PTPRN2: variants seen among roughly 807,000 people sequenced by gnomAD.
The protein encoded by PTPRN2 is protein tyrosine phosphatase receptor type N2.
PTPRN2 carries 74 observed loss-of-function variants against 118.8 expected under a neutral mutation model. That is an observed-to-expected ratio of 0.62 (90% confidence interval 0.52 to 0.76). The LOEUF (loss-of-function observed/expected upper bound fraction) is 0.76, where lower values mean the gene tolerates loss of function less well. PTPRN2 is among the 30% of genes least tolerant of loss of function. The pLI is 0.00. For missense variants in PTPRN2, 1,481 were observed against 1,394.4 expected, an observed-to-expected ratio of 1.06 and a Z score of -0.99; for synonymous variants, 641 against 608.0, an observed-to-expected ratio of 1.05 and a Z score of -0.80.
At chr7:157,631,359 T>A (rs752016183) in intron 14 of PTPRN2, among the ~76,000 whole-genome samples, 2 of 152,204 alleles carry the variant, frequency 1.3e-5, no homozygotes, top group Non-Finnish European at 2.9e-5. Context: ...GTGTTGGTTT[T>A]GAGACCGGGA....
chr7:158,390,190 G>A (rs990112494), intron 2 of PTPRN2, among the ~76,000 whole-genome samples: 5 of 152,020 alleles, frequency 3.3e-5, no homozygotes, highest in Non-Finnish European at 2.9e-5. Flanking sequence ...ACTCAGAGGC[G>A]CCGTCGCCCT....
At chr7:157,646,409 C>T (rs1036610144) in intron 14 of PTPRN2, among the ~76,000 whole-genome samples, 1 of 152,172 alleles carries the variant, frequency 6.6e-6, no homozygotes, top group African/African-American at 2.4e-5. Flanking sequence ...TGCCTTCCGC[C>T]ATGACTGGAT....
chr7:158,549,108 C>T lies in PTPRN2; in HGVS notation c.112+38450G>A, dbSNP rs141402221. On this transcript the variant is annotated intron_variant, in intron 1 of 22. Coordinates refer to ENST00000389418, the MANE Select transcript of PTPRN2 (RefSeq NM_002847.5). The stretch of plus-strand genomic sequence containing the variant: ...TTCCACAGGTTCTTGTCATCCAAGG[C>T]GAGCACAAGCGGGAAAGAATGGGGC... Among the ~76,000 whole-genome samples, 417 of 152,216 alleles carry T rather than the reference C, an allele frequency of 2.7e-3. 2 individuals are homozygous for T. Among genetic ancestry groups the T allele is most frequent in the African/African-American group, 9.4e-3 (390 of 41,506 alleles).
At chr7:158,013,789 ACCCAC>A (rs1563328331) in intron 11 of PTPRN2, among the ~76,000 whole-genome samples, 10 of 1,258 alleles carry the variant, frequency 7.9e-3, no homozygotes, top group African/African-American at 0.011. Flanking sequence ...CCATTCACCC[ACCCAC>A]CCCATCCATC....
intron 10 of PTPRN2, among the ~76,000 whole-genome samples, chr7:158,098,399 G>A (rs999536659): frequency 6.6e-6 from 1 of 152,110 alleles, no homozygotes; most frequent in African/African-American, 2.4e-5. Flanking sequence ...TAGGAAAGAG[G>A]GGGCCGCCAG....
At chr7:157,555,736 G>C (rs111536782) in intron 21 of PTPRN2, among the ~76,000 whole-genome samples, 5 of 152,340 alleles carry the variant, frequency 3.3e-5, no homozygotes, top group African/African-American at 1.2e-4. Context: ...AAGTGTTCAA[G>C]AGAGAGAGGC....
At chr7:157,796,645 C>T (rs1285874821) in intron 12 of PTPRN2, among the ~76,000 whole-genome samples, 3 of 152,300 alleles carry the variant, frequency 2.0e-5, no homozygotes, top group South Asian at 2.1e-4. Context: ...GAGGCTTAAT[C>T]GGCTCAGAGC....
chr7:158,474,618 A>G (rs1213145433), intron 2 of PTPRN2, among the ~76,000 whole-genome samples: 1 of 150,684 alleles, frequency 6.6e-6, no homozygotes, highest in Non-Finnish European at 1.5e-5. Context: ...GAATGTGGGC[A>G]CCCCTCCTCC....
chr7:158,126,877 C>T (rs1456926550), intron 9 of PTPRN2, among the ~76,000 whole-genome samples: 1 of 152,196 alleles, frequency 6.6e-6, no homozygotes, highest in African/African-American at 2.4e-5. Context: ...TCCAAAGTTC[C>T]TCTCCCTGGC....
intron 5 of PTPRN2, among the ~76,000 whole-genome samples, chr7:158,177,264 T>A (rs1033576524): frequency 5.4e-4 from 82 of 152,350 alleles, no homozygotes; most frequent in Middle Eastern, 6.8e-3. Context: ...GATTTTTTTT[T>A]AATTTTAGCC....
rs963700411 is a variant in PTPRN2 at position 158,310,792 on chromosome 7, C to T, written c.277+6027G>A. On this transcript the variant is annotated intron_variant, in intron 3 of 22. Coordinates refer to ENST00000389418, the MANE Select transcript of PTPRN2 (RefSeq NM_002847.5). ...GTCCCACGGAGGGCGAGCCCTGAGC[C>T]GGACAGAGCGCAAGTCCCACGGAGG... Among the ~76,000 whole-genome samples, 27 of 147,028 alleles carry T rather than the reference C, an allele frequency of 1.8e-4. 6 individuals carry two copies. The highest frequency in any genetic ancestry group is 6.7e-4 in the African/African-American group (26 of 39,026).
At chr7:158,237,825 C>A (rs1795626064) in intron 3 of PTPRN2, among the ~76,000 whole-genome samples, 1 of 152,208 alleles carries the variant, frequency 6.6e-6, no homozygotes, top group African/African-American at 2.4e-5. Context: ...CCTGCTCCCC[C>A]TCTTTCTGAA....
At chr7:158,016,826 G>T (rs933537923) in intron 11 of PTPRN2, among the ~76,000 whole-genome samples, 3 of 152,162 alleles carry the variant, frequency 2.0e-5, no homozygotes, top group Admixed American at 6.5e-5. Flanking sequence ...ATAAAAGCTG[G>T]CTACGCTGAA....
chr7:158,397,254 A>T (rs1812583605), intron 2 of PTPRN2, among the ~76,000 whole-genome samples: 1 of 152,232 alleles, frequency 6.6e-6, no homozygotes, highest in Non-Finnish European at 1.5e-5. Context: ...AGGTAGGGAC[A>T]GGGGCTTGTG....
intron 15 of PTPRN2, among the ~76,000 whole-genome samples, chr7:157,606,921 T>C (rs1802034974): frequency 6.6e-6 from 1 of 152,202 alleles, no homozygotes; most frequent in African/African-American, 2.4e-5. Context: ...CAGGTAGGAA[T>C]GTCAGCCTCT....
In PTPRN2 at chr7:157,766,360, A is replaced by G. The variant is rs1776538219; in HGVS notation, c.1789-83423T>C. Among the ~76,000 whole-genome samples the G allele has an allele frequency of 2.0e-5, 3 of 149,994 alleles. No homozygotes were observed. The East Asian group carries it at 6.0e-4, about 30-fold the overall frequency. On this transcript the variant is annotated intron_variant, in intron 12 of 22. Coordinates refer to ENST00000389418, the MANE Select transcript of PTPRN2 (RefSeq NM_002847.5). ...TCATCCATCCATCCATCATCCATCT[A>G]CCCATCCATCATCCACTCTTCTTCC...
At chr7:158,085,972 G>A (rs939305405) in intron 10 of PTPRN2, among the ~76,000 whole-genome samples, 11 of 151,808 alleles carry the variant, frequency 7.2e-5, no homozygotes, top group African/African-American at 2.2e-4. Flanking sequence ...CACACACGAC[G>A]CCCATCCACA....
At chr7:158,423,058 C>T (rs1234628082) in intron 2 of PTPRN2, among the ~76,000 whole-genome samples, 1 of 152,224 alleles carries the variant, frequency 6.6e-6, no homozygotes, top group African/African-American at 2.4e-5. Context: ...TCCATCCCTG[C>T]TACTCAGCCC....
chr7:158,412,159 C>CT (rs1382234549), intron 2 of PTPRN2, among the ~76,000 whole-genome samples: 17 of 123,330 alleles, frequency 1.4e-4, no homozygotes, highest in Admixed American at 2.4e-4. Flanking sequence ...CAGGGCCCAT[C>CT]CAGCACCCTC....
Sources: gnomAD v4.1 joint callset for allele counts (sites outside exome capture counted in the v4.1 genomes callset) on GRCh38, gnomAD v4.1.1 for gene constraint, MANE v1.5 for transcripts, NCBI Gene and HGNC (gene_info 2026-07-23, HGNC 2026-07-21) for gene names.